Variants in ERICH1 observed in about 807,000 individuals in gnomAD.
ERICH1 encodes glutamate rich 1, also known as glutamate-rich protein 1.
ERICH1 carries 56 observed loss-of-function variants against 39.6 expected under a neutral mutation model. The observed-to-expected ratio is 1.41, with a 90% CI of 1.14 to 1.77. The LOEUF is 1.77. Ranked by LOEUF, ERICH1 falls within the 40% of genes most tolerant of loss-of-function variation. The pLI is 0.00. For synonymous variants in ERICH1, 313 were observed against 223.6 expected (o/e 1.40, Z -3.57); for missense variants, 826 against 575.4 (o/e 1.44, Z -4.45).
intron 3 of ERICH1, chr8:625,761 T>C (rs564343347): frequency 1.3e-5 from 2 of 152,348 alleles, no homozygotes; most frequent in African/African-American, 4.8e-5. Flanking sequence ...TAGGCCTGTC[T>C]CAAGTGTTCC....
intron 3 of ERICH1, among the ~76,000 whole-genome samples, chr8:625,519 G>C (rs1206533620): frequency 1.3e-5 from 2 of 152,000 alleles, no homozygotes; most frequent in Non-Finnish European, 1.5e-5. Context: ...GGGTGTCTTG[G>C]GGGTAATACA....
At chr8:654,390 G>A (rs2117369383) in intron 3 of ERICH1, among the ~76,000 whole-genome samples, 1 of 152,298 alleles carries the variant, frequency 6.6e-6, no homozygotes, top group South Asian at 2.1e-4. Flanking sequence ...GGAGGGACTG[G>A]AGGGGCAGAG....
chr8:680,735 C>T (rs1005944034), intron 3 of ERICH1, among the ~76,000 whole-genome samples: 2 of 152,234 alleles, frequency 1.3e-5, no homozygotes, highest in South Asian at 2.1e-4. Context: ...GCAGTGGTCA[C>T]CACTCAGGAG....
chr8:630,649 C>T (rs867771645), intron 3 of ERICH1, among the ~76,000 whole-genome samples: 1 of 115,932 alleles, frequency 8.6e-6, no homozygotes, highest in Non-Finnish European at 1.8e-5. Flanking sequence ...CCTCCTGTGA[C>T]CACCCACACA....
intron 3 of ERICH1, among the ~76,000 whole-genome samples, chr8:627,846 C>G (rs954595365): frequency 6.6e-6 from 1 of 152,164 alleles, no homozygotes; most frequent in Non-Finnish European, 1.5e-5. Context: ...GCTGGGGAGC[C>G]CAGGAACAGG....
chr8:636,038 C>T lies in ERICH1; in HGVS notation c.977-20754G>A, dbSNP rs146591466. ...GCCAGGGCCACCTGGTGCAACGAGG[C>T]TGTGGGCTCCTTCATGCCATCTCTC... On this transcript the variant is annotated intron_variant, in intron 3 of 3. Transcript: ENST00000522706. 2.3e-4 allele frequency among the ~76,000 whole-genome samples: 35 copies of T among 152,370 alleles called. No individual in the cohort carries two copies. The East Asian group carries it at 3.5e-3, about 15-fold the overall frequency.
intron 2 of ERICH1, among the ~76,000 whole-genome samples, chr8:699,509 C>A (rs894586426): frequency 2.0e-5 from 3 of 152,208 alleles, no homozygotes; most frequent in Non-Finnish European, 4.4e-5. Context: ...GGGCGCCGCA[C>A]CCAGACCCTC....
chr8:670,573 C>T (rs1803074535), intron 4 of ERICH1, among the ~76,000 whole-genome samples: 1 of 152,210 alleles, frequency 6.6e-6, no homozygotes, highest in Admixed American at 6.5e-5. Context: ...GGCTGCCCTG[C>T]TCTGCTGGGC....
At chr8:644,315 G>A (rs1031240479) in intron 3 of ERICH1, among the ~76,000 whole-genome samples, 2 of 152,232 alleles carry the variant, frequency 1.3e-5, no homozygotes, top group Non-Finnish European at 2.9e-5. Flanking sequence ...TGTGGTCATC[G>A]TCTCTTTGTA....
chr8:640,661 G>A (rs554576857), intron 3 of ERICH1: 53 of 152,356 alleles, frequency 3.5e-4, no homozygotes, highest in African/African-American at 1.2e-3. Flanking sequence ...GCCAGGTGAT[G>A]AGTGGCATGT....
At chr8:668,493 A>G in intron 5 of ERICH1, 105 bp downstream of exon 5, 2 of 1,177,362 alleles carry the variant, frequency 1.7e-6, no homozygotes, top group Non-Finnish European at 2.5e-6. Context: ...GTGCAGTGTC[A>G]TATTTTCCAA....
At chr8:707,308 A>G (rs1813528695) in intron 2 of ERICH1, among the ~76,000 whole-genome samples, 1 of 151,348 alleles carries the variant, frequency 6.6e-6, no homozygotes, top group Non-Finnish European at 1.5e-5. Context: ...CCCGGGTTCA[A>G]GCGACTCTAC....
chr8:653,000 G>A lies in ERICH1; in HGVS notation c.976+15598C>T, dbSNP rs112261459. Among the ~76,000 whole-genome samples, 1,252 of 152,244 alleles carry A rather than the reference G, an allele frequency of 8.2e-3. 15 individuals carry two copies. Among genetic ancestry groups the A allele is most frequent in the African/African-American group, 0.028 (1,173 of 41,548 alleles). ...TGAGCACACTCATGTGCTGTTGCTG[G>A]GAATGAAAAACGGTACAGCCATTGT... On this transcript the variant is annotated intron_variant, in intron 3 of 3. Transcript: ENST00000522706.
At chr8:662,709 G>T (rs1427479411), downstream of ERICH1, among the ~76,000 whole-genome samples, 1 of 152,204 alleles carries the variant, frequency 6.6e-6, no homozygotes, top group African/African-American at 2.4e-5. Flanking sequence ...TTTGCAGGCT[G>T]GTGCCTCTGA....
chr8:662,398 C>T (rs189184795), downstream of ERICH1, among the ~76,000 whole-genome samples: 8 of 152,338 alleles, frequency 5.3e-5, no homozygotes, highest in African/African-American at 1.9e-4. Context: ...CCACTAATCC[C>T]AGCACTTTGG....
intron 3 of ERICH1, among the ~76,000 whole-genome samples, chr8:619,417 A>G (rs1797140683): frequency 1.3e-5 from 2 of 152,238 alleles, no homozygotes; most frequent in African/African-American, 2.4e-5. Context: ...ATAAAAGAAT[A>G]TGTATATAAT....
At chr8:679,806 C>G (rs984417518) in intron 3 of ERICH1, among the ~76,000 whole-genome samples, 2 of 152,222 alleles carry the variant, frequency 1.3e-5, no homozygotes, top group Admixed American at 1.3e-4. Flanking sequence ...ACAACGTGTG[C>G]AAGAGCTGGA....
intron 3 of ERICH1, among the ~76,000 whole-genome samples, chr8:630,199 C>CCACATAGA (rs1175943422): frequency 9.4e-6 from 1 of 105,844 alleles, no homozygotes; most frequent in African/African-American, 3.9e-5. Flanking sequence ...CCGTGACCAC[C>CCACATAGA]CAGAGCTGAC....
chr8:620,485 C>T (rs1398931534), intron 3 of ERICH1, among the ~76,000 whole-genome samples: 1 of 152,144 alleles, frequency 6.6e-6, no homozygotes, highest in African/African-American at 2.4e-5. Flanking sequence ...GTGTGTGTCT[C>T]TGTGTGTGTC....
Sources: gnomAD v4.1 joint callset for allele counts (sites outside exome capture counted in the v4.1 genomes callset) on GRCh38, gnomAD v4.1.1 for gene constraint, MANE v1.5 for transcripts, NCBI Gene and HGNC (gene_info 2026-07-23, HGNC 2026-07-21) for gene names.